SULF2: variants seen among roughly 807,000 people sequenced by gnomAD.
SULF2 encodes the protein extracellular sulfatase Sulf-2.
A neutral mutation model predicts 107.7 loss-of-function variants in SULF2; 52 were observed. The observed-to-expected ratio is 0.48, with a 90% CI of 0.39 to 0.61. The LOEUF (loss-of-function observed/expected upper bound fraction) is 0.61, where lower values mean the gene tolerates loss of function less well. Ranked by LOEUF, SULF2 falls within the 20% of genes least tolerant of loss-of-function variation. The probability of loss-of-function intolerance (pLI) is 0.00; values close to 1 mark genes in which losing one functional copy is unlikely to be tolerated. For missense variants in SULF2, 993 were observed against 1,177.3 expected, an observed-to-expected ratio of 0.84 and a Z score of 2.29; for synonymous variants, 460 against 464.3, an observed-to-expected ratio of 0.99 and a Z score of 0.12.
chr20:47,743,194 A>C (rs1398554877), intron 2 of SULF2, among the ~76,000 whole-genome samples: 1 of 152,158 alleles, frequency 6.6e-6, no homozygotes, highest in Non-Finnish European at 1.5e-5. Flanking sequence ...GCAGGGAGAA[A>C]AATAAAGGCG....
chr20:47,757,359 C>G lies in SULF2; in HGVS notation c.5G>C (p.Gly2Ala), dbSNP rs759205573. ...CAAGCACAGCACGAGGCTCGGGGGG[C>G]CCATCTTCTTTTTTTGCTGATCTGG... The part of the protein sequence containing the change: M[G>A]PPSLVLCLLS... The change falls in exon 2 of 21, where the codon GGC (glycine) becomes GCC (alanine). Residue 2 changes from glycine to alanine, a missense_variant. Physicochemically the swap from Gly to Ala is moderately conservative, Grantham distance 60 (BLOSUM62 0). Coordinates refer to ENST00000688720, the MANE Select transcript of SULF2 (RefSeq NM_001387048.1). 6.1e-5 allele frequency: 97 copies of G among 1,584,904 alleles called. No homozygotes were observed. The highest frequency in any genetic ancestry group is 1.9e-5 in the Non-Finnish European group (22 of 1,162,276).
rs1412408358 is a variant in SULF2 at position 47,694,421 on chromosome 20, C to T, written c.568-4126G>A. Among the ~76,000 whole-genome samples the T allele has an allele frequency of 2.0e-5, 3 of 152,112 alleles. No individual in the cohort carries two copies. Among genetic ancestry groups the T allele is most frequent in the African/African-American group, 4.8e-5 (2 of 41,438 alleles). ...ATGGGCAAACTGTGTTTGGGGTGCCCGGGTCAAGCCATGAGGAAGAACTCT... is the reference window on the plus strand; with the variant it reads ...ATGGGCAAACTGTGTTTGGGGTGCCTGGGTCAAGCCATGAGGAAGAACTCT... On this transcript the variant is annotated intron_variant, in intron 4 of 20. Transcript: ENST00000688720. The surrounding 1 kb of genome is among the most constrained non-coding windows in gnomAD (Gnocchi z 4.4).
intron 3 of SULF2, among the ~76,000 whole-genome samples, chr20:47,718,989 G>A (rs560704621): frequency 9.9e-5 from 15 of 152,190 alleles, no homozygotes; most frequent in Non-Finnish European, 1.5e-4. Flanking sequence ...GAAATTGAAT[G>A]GCAAAAGTAT....
intron 11 of SULF2, among the ~76,000 whole-genome samples, chr20:47,671,893 T>A (rs1308861275): frequency 6.7e-6 from 1 of 149,240 alleles, no homozygotes; most frequent in Non-Finnish European, 1.5e-5. Context: ...TGTTGTATTT[T>A]TAGACGGGGT....
intron 1 of SULF2, among the ~76,000 whole-genome samples, chr20:47,769,890 A>G (rs1330783539): frequency 6.6e-6 from 1 of 151,732 alleles, no homozygotes; most frequent in Non-Finnish European, 1.5e-5. Flanking sequence ...TGCCTTGTGG[A>G]TATTTAGGGG....
chr20:47,692,316 T>G (rs1272474681), intron 4 of SULF2, among the ~76,000 whole-genome samples: 4 of 152,228 alleles, frequency 2.6e-5, no homozygotes, highest in Non-Finnish European at 5.9e-5. Context: ...TATATCCATA[T>G]GCACAAGAAT....
chr20:47,681,940 C>G (rs2087836342), intron 7 of SULF2, among the ~76,000 whole-genome samples: 1 of 152,220 alleles, frequency 6.6e-6, no homozygotes, highest in African/African-American at 2.4e-5. Flanking sequence ...CCACCTGGGC[C>G]TCCCAAAGTG....
At chr20:47,767,841 G>A (rs1423803987) in intron 1 of SULF2, among the ~76,000 whole-genome samples, 1 of 151,586 alleles carries the variant, frequency 6.6e-6, no homozygotes, top group Non-Finnish European at 1.5e-5. Context: ...GGGAGGCCAA[G>A]GCAGGAGAAT....
At chr20:47,662,971 T>C (rs925874193) in intron 17 of SULF2, 99 bp downstream of exon 17, 4 of 1,393,262 alleles carry the variant, frequency 2.9e-6, no homozygotes, top group South Asian at 2.5e-5. Context: ...TCAGTGGGAC[T>C]TGGACAATTT....
chr20:47,693,619 T>A (rs1253931184), intron 4 of SULF2, among the ~76,000 whole-genome samples: 1 of 152,222 alleles, frequency 6.6e-6, no homozygotes, highest in Non-Finnish European at 1.5e-5. Context: ...TGTGGAAGGA[T>A]GTGTATGATA....
Position 47,678,694 on chromosome 20 carries a change from G to C in SULF2, c.1175C>G (p.Thr392Arg). ...DGKSILKLLD[T>R]ERPVNRFHLK... ...TCCTCACCGATTCACCGGCCGCTCC[G>C]TGTCCAGCAGCTTGAGGATGGATTT... Residue 392 changes from threonine to arginine, a missense_variant, in exon 8 of 21, where the codon ACG becomes AGG. Physicochemically the swap from Thr to Arg is moderately conservative, Grantham distance 71. Transcript: ENST00000688720. This position sits in a 1 kb window ranked among gnomAD's most constrained non-coding sequence, Gnocchi z 4.5. 1 of 1,613,870 alleles carries C rather than the reference G, an allele frequency of 6.2e-7. No homozygotes were observed. Among genetic ancestry groups the C allele is most frequent in the Non-Finnish European group, 8.5e-7 (1 of 1,179,986 alleles).
At chr20:47,660,819 A>G (rs1017725108) in intron 18 of SULF2, among the ~76,000 whole-genome samples, 17 of 152,056 alleles carry the variant, frequency 1.1e-4, no homozygotes, top group Non-Finnish European at 2.4e-4. Context: ...TTCTAAACTT[A>G]AAACTGCAGA....
In SULF2 at chr20:47,672,405, G is replaced by T. The variant is rs2087508053; in HGVS notation, c.1381-12C>A. On this transcript the variant is annotated splice_polypyrimidine_tract_variant and intron_variant, in intron 10 of 20. Transcript: ENST00000688720. ...ACACACTGCCACTTCTGAAAGACAT[G>T]CCAGGGCCTCGGCCAGCTGCTCATC... is the stretch of plus-strand genomic sequence containing the variant. The T allele has an allele frequency of 6.3e-7, 1 of 1,590,588 alleles. No homozygotes were observed. The highest frequency in any genetic ancestry group is 8.6e-7 in the Non-Finnish European group (1 of 1,168,268).
intron 1 of SULF2, among the ~76,000 whole-genome samples, chr20:47,781,076 G>A (rs2090824713): frequency 6.6e-6 from 1 of 152,184 alleles, no homozygotes; most frequent in Non-Finnish European, 1.5e-5. Flanking sequence ...CTCATGGTGG[G>A]AGGTTAGACA....
intron 1 of SULF2, among the ~76,000 whole-genome samples, chr20:47,758,625 G>A (rs1185410935): frequency 6.6e-6 from 1 of 152,130 alleles, no homozygotes; most frequent in African/African-American, 2.4e-5. Context: ...GTGCGGGGAG[G>A]TGGGGACGCG....
At chr20:47,672,177 C>G (rs746815565) in intron 11 of SULF2, 21 bp downstream of exon 11, 1 of 1,587,158 alleles carries the variant, frequency 6.3e-7, no homozygotes, top group African/African-American at 1.3e-5. Flanking sequence ...CTGTCCCACT[C>G]AGCCAGGTTG....
At chr20:47,730,921 C>T (rs780347768) in intron 3 of SULF2, among the ~76,000 whole-genome samples, 3 of 152,142 alleles carry the variant, frequency 2.0e-5, no homozygotes, top group Non-Finnish European at 2.9e-5. Flanking sequence ...AGGTGATCCA[C>T]GCTGGGCAAG....
In SULF2 at chr20:47,737,755, GTTTTTTTTTT is replaced by G. The variant is rs11484375; in HGVS notation, c.176-823_176-814del. ...CTGCTCTTGTTTCTTTCTTTTCTTT[GTTTTTTTTTT>G]TTTTTTTTTTTTTTTGAGACAGAGT... On this transcript the variant is annotated intron_variant, in intron 2 of 20. Coordinates refer to ENST00000688720, the MANE Select transcript of SULF2 (RefSeq NM_001387048.1). 3.1e-4 allele frequency among the ~76,000 whole-genome samples: 19 copies of G among 61,838 alleles called. No individual in the cohort carries two copies. In the South Asian group the frequency reaches 4.1e-3, roughly 13 times the overall value. The allele number at this position is 61,838 out of a possible 152,430, so 40.6% of individuals were successfully genotyped here.
In SULF2 at chr20:47,666,456, T is replaced by C. The variant is rs999114523; in HGVS notation, c.1609A>G (p.Ile537Val). ...YKASYVRSRS[I>V]RSVAIEVDGR... ...TCCACCTCGATGGCCACTGAGCGGA[T>C]GGAGCGACTGCGGACATAGCTGGCC... The change falls in exon 12 of 21, where the codon ATC becomes GTC. Residue 537 changes from isoleucine to valine, a missense_variant. This residue lies in a region of SULF2 where 497 missense variants were observed against 544.1 expected (regional missense o/e 0.91). Transcript: ENST00000688720. This position sits in a 1 kb window ranked among gnomAD's most constrained non-coding sequence, Gnocchi z 5.4. The C allele has an allele frequency of 8.7e-6, 14 of 1,613,678 alleles. No individual in the cohort carries two copies. The highest frequency in any genetic ancestry group is 1.1e-5 in the Non-Finnish European group (13 of 1,180,040).
Sources: allele counts gnomAD v4.1 joint callset (sites outside exome capture counted in the v4.1 genomes callset), GRCh38; gene constraint gnomAD v4.1.1; regional missense constraint gnomAD v4.1.1; non-coding constraint Gnocchi (gnomAD v3.1); transcripts MANE v1.5; gene names NCBI Gene and HGNC (gene_info 2026-07-23, HGNC 2026-07-21).